The following ANO7 variants were observed in gnomAD, a reference collection of about 807,000 sequenced individuals.
The protein encoded by ANO7 is anoctamin 7, also known as anoctamin-7.
In ANO7, 114 loss-of-function variants were observed where a neutral mutation model predicts 115.8. The ratio of observed to expected loss-of-function variants is 0.98; its 90% CI spans 0.85 to 1.15. ANO7 has a LOEUF of 1.15. ANO7 is among the 50% of genes most tolerant of loss of function. ANO7 has a pLI of 0.00. For missense variants in ANO7, 1,302 were observed against 1,201.2 expected (o/e 1.08, Z -1.24); for synonymous variants, 550 against 498.2 (o/e 1.10, Z -1.38).
At chr2:241,223,545 AGCT>A in intron 22 of ANO7, 114 bp from the exon 23 acceptor site, 1 of 1,488,098 alleles carries the variant, frequency 6.7e-7, no homozygotes. Flanking sequence ...TTTCCTGCAC[AGCT>A]GCTTTCTGAC....
intron 2 of ANO7, 23 bp from the exon 3 acceptor site, chr2:241,191,171 T>C (rs1203871924): frequency 6.2e-7 from 1 of 1,613,606 alleles, no homozygotes; most frequent in East Asian, 2.2e-5. Flanking sequence ...CTGATATGCT[T>C]CTCCATCCTC....
At chr2:241,238,699 G>C in the ANO7 span, 1 of 1,589,480 alleles carries the variant, frequency 6.3e-7, no homozygotes, top group Non-Finnish European at 8.6e-7. This position sits in a 1 kb window ranked among gnomAD's most constrained non-coding sequence, Gnocchi z 4.9. Context: ...GAAATCCCGA[G>C]TAATCTGCTG....
the ANO7 span, chr2:241,233,756 C>T: frequency 1.9e-6 from 3 of 1,599,246 alleles, no homozygotes; most frequent in Admixed American, 5.0e-5. This position sits in a 1 kb window ranked among gnomAD's most constrained non-coding sequence, Gnocchi z 4.3. Context: ...GGTTACTGCT[C>T]CCAAGTCACA....
chr2:241,191,727 C>G (rs1265434206), intron 3 of ANO7, among the ~76,000 whole-genome samples: 1 of 151,274 alleles, frequency 6.6e-6, no homozygotes, highest in Non-Finnish European at 1.5e-5. Flanking sequence ...CTGCTGTCCC[C>G]TCAGCACCAG....
At position 241,216,174 on chromosome 2, in the gene ANO7, G is replaced by A. The variant is rs2068824707; in HGVS notation, c.1908G>A (p.Gly636=). ...GAGCTTCTGCAGGGGCTAGCCAGGG[G>A]CCCTGGGAGGACGACTATGAGCTTG... ...KAGASAGASQ[G]PWEDDYELVP... Residue 636 remains glycine, a synonymous_variant, in exon 19 of 25, where the codon GGG becomes GGA. Coordinates refer to ENST00000674324, the MANE Select transcript of ANO7 (RefSeq NM_001370694.2). 4 of 1,613,246 alleles carry A rather than the reference G, an allele frequency of 2.5e-6. No homozygotes were observed. Among genetic ancestry groups the A allele is most frequent in the Non-Finnish European group, 3.4e-6 (4 of 1,179,892 alleles).
At chr2:241,209,672 C>G (rs375362012) in intron 13 of ANO7, 37 bp downstream of exon 13, 8 of 1,501,636 alleles carry the variant, frequency 5.3e-6, no homozygotes, top group Non-Finnish European at 7.1e-6. Flanking sequence ...ACGCCTCCAT[C>G]CTCCTGCACC....
chr2:241,217,192 G>T (rs1292832396), intron 19 of ANO7, among the ~76,000 whole-genome samples: 1 of 152,222 alleles, frequency 6.6e-6, no homozygotes, highest in East Asian at 1.9e-4. Flanking sequence ...GCTCCCCAGC[G>T]TAGCCGCGGC....
At chr2:241,227,946 T>C (rs1341864669), downstream of ANO7, 1 of 152,228 alleles carries the variant, frequency 6.6e-6, no homozygotes, top group African/African-American at 2.4e-5. Context: ...GGAAGCTATA[T>C]TCCTTCCAAT....
At chr2:241,233,447 A>AC in the ANO7 span, among the ~76,000 whole-genome samples, 3 of 152,076 alleles carry the variant, frequency 2.0e-5, no homozygotes, top group Non-Finnish European at 2.9e-5. The surrounding 1 kb of genome is among the most constrained non-coding windows in gnomAD (Gnocchi z 4.3). Context: ...TGTCCACCTG[A>AC]CCCCAAGAGG....
the ANO7 span, chr2:241,240,259 C>T: frequency 2.5e-6 from 2 of 796,598 alleles, no homozygotes; most frequent in Non-Finnish European, 4.3e-6. The surrounding 1 kb of genome is among the most constrained non-coding windows in gnomAD (Gnocchi z 5.5). Flanking sequence ...CACCAATACC[C>T]CCAAAATGGG....
intron 5 of ANO7, 50 bp downstream of exon 5, chr2:241,199,473 C>T (rs751699360): frequency 4.9e-5 from 77 of 1,578,094 alleles, no homozygotes; most frequent in Non-Finnish European, 6.6e-5. Context: ...CCGGTCCCCA[C>T]ACACTGCGTT....
At chr2:241,237,477 A>C in the ANO7 span, among the ~76,000 whole-genome samples, 3 of 152,344 alleles carry the variant, frequency 2.0e-5, no homozygotes, top group South Asian at 6.2e-4. Flanking sequence ...GTGTGATGTA[A>C]ATAAATGAGC....
chr2:241,201,849 T>C (rs1418497867), intron 7 of ANO7, among the ~76,000 whole-genome samples: 1 of 147,354 alleles, frequency 6.8e-6, no homozygotes, highest in Non-Finnish European at 1.5e-5. Context: ...GCTGCCAGGC[T>C]GCAGTGTTCA....
chr2:241,233,888 C>T, the ANO7 span: 1 of 1,614,186 alleles, frequency 6.2e-7, no homozygotes, highest in Non-Finnish European at 8.5e-7. The surrounding 1 kb of genome is among the most constrained non-coding windows in gnomAD (Gnocchi z 4.3). Flanking sequence ...TGGGTAATTA[C>T]TGCCCCCTTT....
At position 241,203,449 on chromosome 2, in the gene ANO7, C is replaced by A; in HGVS notation, c.840C>A (p.His280Gln). ...GKWNKYQPLD[H>Q]VRRYFGEKVA... ...GGAACAAGTACCAGCCCCTGGACCA[C>A]GTGCGCAGGTACTTCGGGGAGAAGG... Residue 280 changes from histidine to glutamine, a missense_variant, in exon 9 of 25, where the codon CAC becomes CAA. Physicochemically the swap from His to Gln is conservative, Grantham distance 24. Coordinates refer to ENST00000674324, the MANE Select transcript of ANO7 (RefSeq NM_001370694.2). This position sits in a 1 kb window ranked among gnomAD's most constrained non-coding sequence, Gnocchi z 4.8. 6.3e-7 allele frequency: 1 copy of A among 1,580,358 alleles called. No homozygotes were observed. The highest frequency in any genetic ancestry group is 1.2e-5 in the South Asian group (1 of 86,858).
At chr2:241,210,268 G>T (rs1202896490) in intron 13 of ANO7, 27 bp from the exon 14 acceptor site, 1 of 1,610,252 alleles carries the variant, frequency 6.2e-7, no homozygotes, top group Non-Finnish European at 8.5e-7. Flanking sequence ...ACCGTGAAGG[G>T]TCTCACGGGC....
intron 2 of ANO7, 27 bp downstream of exon 2, chr2:241,190,198 C>A: frequency 6.5e-7 from 1 of 1,538,488 alleles, no homozygotes; most frequent in South Asian, 1.2e-5. Context: ...GACTGTGGTG[C>A]GACTTGAGAG....
Position 241,209,272 on chromosome 2 carries a change from C to G in ANO7, c.1078-13C>G, listed in dbSNP as rs369787801. ...TCCCAAGCAAGTCTGGACGCCCCCG[C>G]TCCCTGCCACAGGCCGGCCGGCTGT... On this transcript the variant is annotated splice_polypyrimidine_tract_variant and intron_variant, in intron 11 of 24. Coordinates refer to ENST00000674324, the MANE Select transcript of ANO7 (RefSeq NM_001370694.2). The G allele has an allele frequency of 1.9e-6, 3 of 1,547,324 alleles. No individual in the cohort carries two copies. The highest frequency in any genetic ancestry group is 2.6e-6 in the Non-Finnish European group (3 of 1,147,002).
In ANO7 at chr2:241,218,388, C is replaced by G. The variant is rs753577007; in HGVS notation, c.2321+7C>G. ...CGCACAACCGCACGTGCAGGTGAGC[C>G]CCGCGCCAGGTGGAGGGGGCCGCGG... On this transcript the variant is annotated splice_region_variant and intron_variant, in intron 21 of 24. Transcript: ENST00000674324. The G allele has an allele frequency of 1.5e-5, 20 of 1,365,012 alleles. No individual in the cohort carries two copies. The East Asian group carries it at 6.4e-4, about 43-fold the overall frequency. The allele number at this position is 1,365,012 out of a possible 1,614,324, so 84.6% of individuals were successfully genotyped here. A position where few individuals can be genotyped will look rare whatever the true frequency, so the allele number is the denominator to read the frequency against.
Sources: gnomAD v4.1 joint callset for allele counts (sites outside exome capture counted in the v4.1 genomes callset) on GRCh38, gnomAD v4.1.1 for gene constraint, Gnocchi (gnomAD v3.1) non-coding constraint, MANE v1.5 for transcripts, NCBI Gene and HGNC (gene_info 2026-07-23, HGNC 2026-07-21) for gene names.